The following ZFHX3 variants were observed in gnomAD, a reference collection of about 807,000 sequenced individuals.
ZFHX3 encodes the protein zinc finger homeobox protein 3.
Under a neutral mutation model 279.1 loss-of-function variants are expected in ZFHX3, and 42 were observed. The observed-to-expected ratio is 0.15, with a 90% CI of 0.12 to 0.19. ZFHX3 has a LOEUF of 0.19. Among genes scored for constraint, ZFHX3 ranks in the 10% least tolerant of loss-of-function variants. ZFHX3 has a pLI of 1.00. For missense variants in ZFHX3, 4,981 were observed against 4,754.0 expected (o/e 1.05, Z -1.40); for synonymous variants, 2,293 against 1,957.8 (o/e 1.17, Z -4.52).
intron 2 of ZFHX3, among the ~76,000 whole-genome samples, chr16:73,634,925 C>G (rs1666093209): frequency 6.6e-6 from 1 of 152,004 alleles, no homozygotes; most frequent in Non-Finnish European, 1.5e-5. Context: ...TCTAAAATTA[C>G]TTCTAAGTAA....
At chr16:73,751,321 A>G (rs2053760082) in intron 1 of ZFHX3, among the ~76,000 whole-genome samples, 1 of 152,220 alleles carries the variant, frequency 6.6e-6, no homozygotes, top group Non-Finnish European at 1.5e-5. Flanking sequence ...ATAGAAACAT[A>G]TAGTCATAAA....
chr16:72,931,647 A>G (rs765553554), intron 3 of ZFHX3, among the ~76,000 whole-genome samples: 29 of 152,064 alleles, frequency 1.9e-4, no homozygotes, highest in Non-Finnish European at 4.0e-4. Context: ...GTTGCCATGG[A>G]AACAGTTTTG....
At chr16:72,820,789 A>G (rs1345328745) in intron 5 of ZFHX3, among the ~76,000 whole-genome samples, 1 of 152,220 alleles carries the variant, frequency 6.6e-6, no homozygotes. Flanking sequence ...GAAGACAACC[A>G]GAGTGGGAAG....
At chr16:73,530,306 T>C (rs2019776280) in intron 2 of ZFHX3, among the ~76,000 whole-genome samples, 1 of 152,002 alleles carries the variant, frequency 6.6e-6, no homozygotes, top group South Asian at 2.1e-4. Flanking sequence ...CCCACAAAAA[T>C]TGGGAATTAC....
At chr16:72,818,369 T>C (rs964527398) in intron 5 of ZFHX3, among the ~76,000 whole-genome samples, 6 of 152,212 alleles carry the variant, frequency 3.9e-5, no homozygotes, top group African/African-American at 1.4e-4. Context: ...TTGCTTGCAA[T>C]TCCTTCCCCA....
intron 7 of ZFHX3, chr16:72,809,956 GCAA>G: frequency 6.9e-6 from 1 of 144,278 alleles, no homozygotes; most frequent in African/African-American, 2.6e-5. Flanking sequence ...TCTGCTCACT[GCAA>G]GCTCTGCCTC....
intron 1 of ZFHX3, among the ~76,000 whole-genome samples, chr16:73,747,323 G>A (rs752279910): frequency 7.9e-5 from 12 of 152,162 alleles, no homozygotes; most frequent in Admixed American, 2.6e-4. Context: ...GGTTGAAGCT[G>A]TAGTGACCAT....
intron 1 of ZFHX3, among the ~76,000 whole-genome samples, chr16:73,730,352 C>CAAAAAAAAAAAAAAAAAAAAAAAAAA (rs66477968): frequency 1.2e-5 from 1 of 81,166 alleles, no homozygotes; most frequent in African/African-American, 5.1e-5. Context: ...CCTCCCCTCG[C>CAAAAAAAAAAAAAAAAAAAAAAAAAA]AAAAAAAAAA....
At chr16:73,653,578 T>C (rs935046627) in intron 2 of ZFHX3, among the ~76,000 whole-genome samples, 3 of 152,124 alleles carry the variant, frequency 2.0e-5, no homozygotes, top group Non-Finnish European at 4.4e-5. Flanking sequence ...TTGTGAGATA[T>C]AACTAAAGCA....
At chr16:73,731,100 A>G (rs767542138) in intron 1 of ZFHX3, among the ~76,000 whole-genome samples, 7 of 152,216 alleles carry the variant, frequency 4.6e-5, no homozygotes, top group Non-Finnish European at 8.8e-5. Flanking sequence ...TCATTCATAT[A>G]TTGTTTATAA....
chr16:73,050,072 T>C (rs1020895161), upstream of ZFHX3, among the ~76,000 whole-genome samples: 18 of 152,218 alleles, frequency 1.2e-4, no homozygotes, highest in African/African-American at 3.6e-4. Context: ...CAAGAAAATG[T>C]TGATACTCTC....
At chr16:73,052,658 C>T (rs954408155), upstream of ZFHX3, among the ~76,000 whole-genome samples, 3 of 151,988 alleles carry the variant, frequency 2.0e-5, no homozygotes, top group Admixed American at 1.3e-4. Flanking sequence ...CATGCTGTTT[C>T]GTTTGTCTCT....
At chr16:73,749,097 C>A (rs906538487) in intron 1 of ZFHX3, among the ~76,000 whole-genome samples, 6 of 152,180 alleles carry the variant, frequency 3.9e-5, no homozygotes, top group Non-Finnish European at 7.4e-5. Flanking sequence ...CCCAAACTCA[C>A]CTTTCTAAAC....
rs376696016 is a variant in ZFHX3 at position 73,863,419 on chromosome 16, C to A, written c.-1608+28232G>T. On this transcript the variant is annotated intron_variant, in intron 1 of 17. Coordinates refer to the ZFHX3 transcript ENST00000641206. Reference sequence around the variant, plus strand: ...CAGGACGCCAAAAGGAAACACCCTTCCTTTTGCCTAAGACTGTGAGATGGC... The same window carrying A: ...CAGGACGCCAAAAGGAAACACCCTTACTTTTGCCTAAGACTGTGAGATGGC... Among the ~76,000 whole-genome samples, 32 of 152,234 alleles carry A rather than the reference C, an allele frequency of 2.1e-4. 3 individuals are homozygous for A. Among genetic ancestry groups the A allele is most frequent in the Admixed American group, 1.6e-3 (24 of 15,300 alleles).
chr16:73,694,561 C>G (rs1225730949), intron 1 of ZFHX3, among the ~76,000 whole-genome samples: 4 of 152,082 alleles, frequency 2.6e-5, no homozygotes, highest in Non-Finnish European at 5.9e-5. Context: ...CCAGGCTGGT[C>G]TTGAACTCCC....
chr16:73,372,183 A>T (rs2016643118), intron 3 of ZFHX3, among the ~76,000 whole-genome samples: 1 of 152,192 alleles, frequency 6.6e-6, no homozygotes, highest in Non-Finnish European at 1.5e-5. Flanking sequence ...CTCATGGCTG[A>T]TTAAAGTCCA....
intron 6 of ZFHX3, among the ~76,000 whole-genome samples, chr16:73,133,697 C>T (rs988769632): frequency 6.6e-6 from 1 of 152,184 alleles, no homozygotes; most frequent in African/African-American, 2.4e-5. Flanking sequence ...AAATTTCTGT[C>T]ATTGAAGCCA....
chr16:73,783,461 T>C (rs529888314), intron 1 of ZFHX3, among the ~76,000 whole-genome samples: 3 of 152,196 alleles, frequency 2.0e-5, no homozygotes, highest in Non-Finnish European at 2.9e-5. Flanking sequence ...CATCTAAGGA[T>C]GACACCCAGG....
chr16:73,181,767 C>T (rs547293551), intron 5 of ZFHX3, among the ~76,000 whole-genome samples: 128 of 152,124 alleles, frequency 8.4e-4, no homozygotes, highest in Middle Eastern at 3.4e-3. Flanking sequence ...GGATATAGTT[C>T]CCGTTAGGGC....
Sources: gnomAD v4.1 joint callset for allele counts (sites outside exome capture counted in the v4.1 genomes callset) on GRCh38, gnomAD v4.1.1 for gene constraint, MANE v1.5 for transcripts, NCBI Gene and HGNC (gene_info 2026-07-23, HGNC 2026-07-21) for gene names.